Variants in AGL observed in about 807,000 individuals in gnomAD.
The protein encoded by AGL is glycogen debranching enzyme.
A neutral mutation model predicts 199.3 loss-of-function variants in AGL; 128 were observed. The ratio of observed to expected loss-of-function variants is 0.64; its 90% confidence interval spans 0.56 to 0.74. The LOEUF (loss-of-function observed/expected upper bound fraction) is 0.74, where lower values mean the gene tolerates loss of function less well. Among genes scored for constraint, AGL ranks in the 30% least tolerant of loss-of-function variants. The pLI, the probability that AGL is intolerant of heterozygous loss-of-function variation, is 0.00. For synonymous variants in AGL, 584 were observed against 594.7 expected (o/e 0.98, Z 0.26); for missense variants, 1,809 against 1,820.8 (o/e 0.99, Z 0.12).
intron 5 of AGL, among the ~76,000 whole-genome samples, chr1:99,869,140 T>C (rs1452549141): frequency 1.3e-5 from 2 of 152,176 alleles, no homozygotes; most frequent in African/African-American, 2.4e-5. Context: ...ATTTATTTTT[T>C]ATACGTGAAA....
At chr1:99,895,528 A>G (rs1653231512) in intron 24 of AGL, among the ~76,000 whole-genome samples, 1 of 152,162 alleles carries the variant, frequency 6.6e-6, no homozygotes, top group Admixed American at 6.5e-5. Flanking sequence ...GACTCCATAT[A>G]CTTAATTAGG....
In AGL at chr1:99,912,432, C is replaced by G; in HGVS notation, c.3864C>G (p.Gly1288=). Residue 1288 remains glycine (G), a synonymous_variant, in exon 29 of 34, where the codon GGC becomes GGG. Transcript: ENST00000361915. ...ATGGGTCTGCTGTGGAAATTGTGGGCCTGAGTAAATCTGCTGTTCGCTGGT... is the reference window on the plus strand; with the variant it reads ...ATGGGTCTGCTGTGGAAATTGTGGGGCTGAGTAAATCTGCTGTTCGCTGGT... ...PRDGSAVEIV[G]LSKSAVRWLL... is the part of the protein sequence containing the mutation. The G allele has an allele frequency of 6.2e-7, 1 of 1,613,872 alleles. No homozygotes were observed. Among genetic ancestry groups the G allele is most frequent in the Non-Finnish European group, 8.5e-7 (1 of 1,179,922 alleles).
chr1:99,884,526 A>G lies in AGL; in HGVS notation c.2547-43A>G, dbSNP rs757782757. ...TTGCATATCCTGTTAAATTTGAATA[A>G]ATTACTCCTAAAAATTAACCACTTT... is the stretch of plus-strand genomic sequence containing the variant. On this transcript the variant is annotated intron_variant, in intron 19 of 33. Coordinates refer to ENST00000361915, the MANE Select transcript of AGL (RefSeq NM_000642.3). The G allele has an allele frequency of 2.9e-5, 46 of 1,609,470 alleles. No individual in the cohort carries two copies. In the East Asian group the frequency reaches 9.6e-4, roughly 34 times the overall value.
rs560660199 is a variant in AGL, at chr1:99,861,255, C to T, written c.83-248C>T. The T allele has an allele frequency of 2.5e-4, 335 of 1,344,278 alleles. 1 individual carries two copies. In the South Asian group the frequency reaches 4.1e-3, roughly 17 times the overall value. The allele number at this position is 1,344,278 out of a possible 1,614,324, so 83.3% of individuals were successfully genotyped here. ...CCAAGTTGCTATGTGAATAGGAATG[C>T]GTTTCCAGGGGAAGGAGAAAGAGAC... On this transcript the variant is annotated intron_variant, in intron 2 of 33. Coordinates refer to ENST00000361915, the MANE Select transcript of AGL (RefSeq NM_000642.3).
rs369044372 is a variant in AGL, at chr1:99,888,025, G to T, written c.2729G>T (p.Arg910Leu). The change falls in exon 21 of 34, where the codon CGA becomes CTA. Residue 910 changes from arginine (R) to leucine (L), a missense_variant. Transcript: ENST00000361915. ...GCTGAGCTAAATCAGATCCTTTACC[G>T]ATGTGAATCAGAAGAAAAGGAAGAT... Reference protein sequence around the residue: ...TLAELNQILYRCESEEKEDGG... With the variant: ...TLAELNQILYLCESEEKEDGG... The T allele has an allele frequency of 6.2e-7, 1 of 1,613,394 alleles. No individual in the cohort carries two copies. The highest frequency in any genetic ancestry group is 8.5e-7 in the Non-Finnish European group (1 of 1,179,592).
chr1:99,899,566 C>T (rs963202827), intron 25 of AGL, among the ~76,000 whole-genome samples: 2 of 144,466 alleles, frequency 1.4e-5, no homozygotes, highest in African/African-American at 5.1e-5. Flanking sequence ...CTTTCCCTCC[C>T]TCCCTCCCTC....
intron 26 of AGL, 114 bp downstream of exon 26, chr1:99,900,975 C>A: frequency 9.9e-7 from 1 of 1,014,730 alleles, no homozygotes; most frequent in African/African-American, 1.7e-5. Flanking sequence ...ACGAATTATT[C>A]AAATGTCAGT....
chr1:99,876,660 A>C (rs1651563241), intron 11 of AGL, 63 bp downstream of exon 11: 17 of 1,581,436 alleles, frequency 1.1e-5, no homozygotes, highest in Non-Finnish European at 1.5e-5. Flanking sequence ...GTCAAAATAA[A>C]ATCTGCTTTA....
At chr1:99,911,130 C>T (rs906918712) in intron 28 of AGL, among the ~76,000 whole-genome samples, 9 of 152,194 alleles carry the variant, frequency 5.9e-5, no homozygotes, top group Non-Finnish European at 1.3e-4. Flanking sequence ...AAGACATTTT[C>T]GTAACCTGAA....
rs111912615 is a variant in AGL at position 99,914,279 on chromosome 1, C to G, written c.4161+541C>G. Among the ~76,000 whole-genome samples, 4 of 152,350 alleles carry G rather than the reference C, an allele frequency of 2.6e-5. No homozygotes were observed. The South Asian group carries it at 8.3e-4, about 32-fold the overall frequency. On this transcript the variant is annotated intron_variant, in intron 30 of 33. Transcript: ENST00000361915. ...TGTATCCTACACACCTGTGCTATAACCAGTGCCTCAGCACACTAGTTGGAA... is the reference window on the plus strand; with the variant it reads ...TGTATCCTACACACCTGTGCTATAAGCAGTGCCTCAGCACACTAGTTGGAA...
chr1:99,915,565 TTGCCAGGGCAACAAAAGGAGA>T, intron 31 of AGL, 79 bp downstream of exon 31: 1 of 1,190,684 alleles, frequency 8.4e-7, no homozygotes, highest in East Asian at 2.3e-5. Flanking sequence ...TTTTTTTTTT[TTGCCAGGGCAACAAAAGGAGA>T]TGCCATCTCT....
chr1:99,901,671 G>GT (rs532960880), intron 26 of AGL, among the ~76,000 whole-genome samples: 16 of 139,550 alleles, frequency 1.1e-4, no homozygotes, highest in South Asian at 2.4e-4. Context: ...ATTTTTGAGT[G>GT]TTTTTTTTTC....
chr1:99,895,674 A>G (rs1376988726), intron 24 of AGL, among the ~76,000 whole-genome samples: 2 of 152,148 alleles, frequency 1.3e-5, no homozygotes, highest in African/African-American at 4.8e-5. Flanking sequence ...CTTTAGATTT[A>G]ATTTATAAAA....
intron 26 of AGL, 41 bp from the exon 27 acceptor site, chr1:99,902,642 G>A: frequency 6.9e-7 from 1 of 1,459,844 alleles, no homozygotes; most frequent in East Asian, 2.3e-5. Flanking sequence ...TAAGAAAAAT[G>A]TAATTTCTAA....
chr1:99,891,476 C>G (rs1652896487), intron 22 of AGL, 120 bp downstream of exon 22: 1 of 1,507,848 alleles, frequency 6.6e-7, no homozygotes, highest in Non-Finnish European at 9.1e-7. Context: ...CCTTCATCAT[C>G]TTTCAGTTAT....
At chr1:99,863,023 T>C (rs1347500808) in intron 4 of AGL, among the ~76,000 whole-genome samples, 1 of 151,982 alleles carries the variant, frequency 6.6e-6, no homozygotes, top group Non-Finnish European at 1.5e-5. Context: ...CACTACAACC[T>C]CCACCTCCCG....
chr1:99,865,218 G>C (rs1292287517), intron 5 of AGL, among the ~76,000 whole-genome samples: 2 of 151,988 alleles, frequency 1.3e-5, no homozygotes, highest in East Asian at 1.9e-4. Flanking sequence ...ACATCCACTT[G>C]AGGTCTTGGA....
intron 20 of AGL, among the ~76,000 whole-genome samples, chr1:99,886,390 C>A (rs1350027003): frequency 6.6e-6 from 1 of 151,918 alleles, no homozygotes; most frequent in East Asian, 1.9e-4. Flanking sequence ...GAGGTAACAG[C>A]ATCAGCATCA....
intron 26 of AGL, among the ~76,000 whole-genome samples, chr1:99,901,943 T>C (rs1469778900): frequency 6.6e-6 from 1 of 152,166 alleles, no homozygotes; most frequent in Non-Finnish European, 1.5e-5. Flanking sequence ...ATCAGGCAGG[T>C]AATTATTTTA....
Sources: allele counts gnomAD v4.1 joint callset (sites outside exome capture counted in the v4.1 genomes callset), GRCh38; gene constraint gnomAD v4.1.1; transcripts MANE v1.5; gene names NCBI Gene and HGNC (gene_info 2026-07-23, HGNC 2026-07-21).